Variants in SPTLC2 observed in about 807,000 individuals in gnomAD.
SPTLC2 encodes serine palmitoyltransferase 2.
In SPTLC2, 21 loss-of-function variants were observed where a neutral mutation model predicts 62.0. The ratio of observed to expected loss-of-function variants is 0.34; its 90% confidence interval spans 0.24 to 0.49. SPTLC2 has a LOEUF of 0.49. SPTLC2 is among the 20% of genes least tolerant of loss of function. The pLI is 0.99. For missense variants in SPTLC2, 511 were observed against 713.0 expected (o/e 0.72, Z 3.23); for synonymous variants, 261 against 261.8 (o/e 1.00, Z 0.03).
chr14:77,540,205 C>CAAAA (rs34847653), intron 9 of SPTLC2, among the ~76,000 whole-genome samples: 2 of 87,706 alleles, frequency 2.3e-5, no homozygotes, highest in African/African-American at 4.3e-5. Flanking sequence ...ACTCTTGTCT[C>CAAAA]AAAAAAAAAA....
chr14:77,536,369 T>G (rs1224062708), intron 9 of SPTLC2, among the ~76,000 whole-genome samples: 1 of 150,504 alleles, frequency 6.6e-6, no homozygotes, highest in African/African-American at 2.5e-5. Context: ...ATTTTTTGGT[T>G]TTTTTTTTCT....
chr14:77,566,145 GT>G (rs1273014920), intron 5 of SPTLC2, among the ~76,000 whole-genome samples: 1 of 151,836 alleles, frequency 6.6e-6, no homozygotes, highest in East Asian at 1.9e-4. Context: ...AAAGCATTAT[GT>G]TCTTTTTTTC....
At chr14:77,610,530 T>G (rs1171040151) in intron 1 of SPTLC2, among the ~76,000 whole-genome samples, 4 of 152,074 alleles carry the variant, frequency 2.6e-5, no homozygotes, top group Admixed American at 2.6e-4. Context: ...AAGCAATCCT[T>G]ACACCTTGGC....
rs1566791247 is a variant in SPTLC2 at position 77,597,194 on chromosome 14, C to T, written c.319G>A (p.Glu107Lys). The part of the protein sequence containing the change: ...EKCHHATERE[E>K]QKDFVSLYQD... The stretch of plus-strand genomic sequence containing the variant: ...AACTCTCTAACAGTTACCTTTTGTT[C>T]TTCTCTTTCTGTTGCATGGTGACAC... The change falls in exon 2 of 12, where the codon GAA becomes AAA. Residue 107 changes from glutamate (E) to lysine (K), a missense_variant. Transcript: ENST00000216484. 5 of 1,614,078 alleles carry T rather than the reference C, an allele frequency of 3.1e-6. No homozygotes were observed. The highest frequency in any genetic ancestry group is 4.2e-6 in the Non-Finnish European group (5 of 1,179,956).
intron 11 of SPTLC2, among the ~76,000 whole-genome samples, chr14:77,512,647 A>G (rs1013489203): frequency 2.0e-5 from 3 of 152,246 alleles, no homozygotes; most frequent in Non-Finnish European, 1.5e-5. Flanking sequence ...GCTATAATTC[A>G]AAGTATGATA....
intron 8 of SPTLC2, chr14:77,554,851 T>C (rs2140020060): frequency 4.3e-6 from 1 of 232,612 alleles, no homozygotes; most frequent in East Asian, 1.0e-4. Context: ...CAATGCTTTG[T>C]AGTACCCCAC....
chr14:77,556,216 G>T (rs9323647), intron 7 of SPTLC2, among the ~76,000 whole-genome samples: 1 of 151,726 alleles, frequency 6.6e-6, no homozygotes, highest in Admixed American at 6.6e-5. Context: ...CCAGCTACTC[G>T]GGAGGCTAAG....
intron 3 of SPTLC2, 67 bp from the exon 4 acceptor site, chr14:77,576,982 G>A (rs919755417): frequency 1.3e-6 from 2 of 1,569,584 alleles, no homozygotes; most frequent in African/African-American, 1.4e-5. Context: ...AATATTAAAT[G>A]AACTGGTGAC....
intron 5 of SPTLC2, among the ~76,000 whole-genome samples, chr14:77,564,181 G>T (rs1842491658): frequency 7.1e-6 from 1 of 140,912 alleles, no homozygotes; most frequent in East Asian, 2.2e-4. Flanking sequence ...GCAGTGAGCC[G>T]AAATTGTGCT....
At chr14:77,550,312 C>T (rs1228719522) in intron 9 of SPTLC2, among the ~76,000 whole-genome samples, 11 of 152,260 alleles carry the variant, frequency 7.2e-5, no homozygotes, top group African/African-American at 1.9e-4. Flanking sequence ...CGGTGGCTTA[C>T]GCCTGTAATC....
intron 9 of SPTLC2, among the ~76,000 whole-genome samples, chr14:77,527,049 C>T (rs906484077): frequency 6.6e-5 from 10 of 151,186 alleles, no homozygotes; most frequent in African/African-American, 2.4e-4. Flanking sequence ...CTGCCTCGGC[C>T]TCCCAAAGTG....
intron 1 of SPTLC2, among the ~76,000 whole-genome samples, chr14:77,606,372 A>C (rs1331659300): frequency 1.2e-5 from 1 of 83,032 alleles, no homozygotes; most frequent in Non-Finnish European, 2.6e-5. Context: ...GAGGGAGGGG[A>C]CTGTGTGTGT....
intron 9 of SPTLC2, among the ~76,000 whole-genome samples, chr14:77,523,575 A>G (rs2142184): frequency 0.61 from 92,771 of 152,156 alleles, 29,931 homozygotes; most frequent in East Asian, 0.89. Flanking sequence ...AGAAACTAGC[A>G]GAGGCTGGGG....
chr14:77,546,034 TGG>T (rs1259673295), intron 9 of SPTLC2, among the ~76,000 whole-genome samples: 2 of 152,232 alleles, frequency 1.3e-5, no homozygotes, highest in African/African-American at 2.4e-5. Context: ...TTTCATTTGT[TGG>T]GCTGATTACT....
intron 9 of SPTLC2, among the ~76,000 whole-genome samples, chr14:77,537,242 CCCAAAGAAA>C (rs990799023): frequency 5.3e-5 from 8 of 151,252 alleles, no homozygotes; most frequent in Non-Finnish European, 8.8e-5. Context: ...CTTTAAAAAC[CCCAAAGAAA>C]CCAAAGAACA....
rs2079321518 is a variant in SPTLC2, at chr14:77,509,446, CA to C, written c.*2837del. 2 of 155,030 alleles carry C rather than the reference CA, an allele frequency of 1.3e-5. No individual in the cohort carries two copies. The highest frequency in any genetic ancestry group is 1.3e-4 in the Admixed American group (2 of 15,344). The allele number at this position is 155,030 out of a possible 1,614,324, so 9.6% of individuals were successfully genotyped here. A position where few individuals can be genotyped will look rare whatever the true frequency, so the allele number is the denominator to read the frequency against. On this transcript the variant is annotated 3_prime_UTR_variant, in exon 12 of 12. Coordinates refer to ENST00000216484, the MANE Select transcript of SPTLC2 (RefSeq NM_004863.4). ...CTTATAAACCTGAAATAGGTAACAG[CA>C]ATGCTGAATAAAAAGAGGAATGAGA...
At chr14:77,573,625 A>G (rs1216754962) in intron 4 of SPTLC2, among the ~76,000 whole-genome samples, 2 of 152,064 alleles carry the variant, frequency 1.3e-5, no homozygotes, top group Non-Finnish European at 2.9e-5. Context: ...ACAGAAGACA[A>G]TGCTGTTTTT....
chr14:77,536,421 A>AT (rs1024200785), intron 9 of SPTLC2, among the ~76,000 whole-genome samples: 2 of 150,640 alleles, frequency 1.3e-5, no homozygotes, highest in African/African-American at 2.4e-5. Flanking sequence ...TCACCAGGTG[A>AT]TTTTTTAAAC....
At chr14:77,589,789 C>CCACACACACACACACACA (rs10627978) in intron 2 of SPTLC2, among the ~76,000 whole-genome samples, 56 of 146,316 alleles carry the variant, frequency 3.8e-4, no homozygotes, top group African/African-American at 1.4e-3. Flanking sequence ...GAGTCCGTCT[C>CCACACACACACACACACA]CACACACACA....
Sources: gnomAD v4.1 joint callset for allele counts (sites outside exome capture counted in the v4.1 genomes callset) on GRCh38, gnomAD v4.1.1 for gene constraint, MANE v1.5 for transcripts, NCBI Gene and HGNC (gene_info 2026-07-23, HGNC 2026-07-21) for gene names.